The following TNS1 variants were observed in gnomAD, a reference collection of about 807,000 sequenced individuals.
TNS1 encodes tensin-1.
TNS1 carries 62 observed loss-of-function variants against 168.6 expected under a neutral mutation model. That is an observed-to-expected ratio of 0.37 (90% CI 0.30 to 0.45). The LOEUF is 0.45. TNS1 is among the 20% of genes least tolerant of loss of function. TNS1 has a pLI of 1.00. For missense variants in TNS1, 2,240 were observed against 2,339.4 expected (o/e 0.96, Z 0.88); for synonymous variants, 934 against 933.2 (o/e 1.00, Z -0.02).
intron 3 of TNS1, among the ~76,000 whole-genome samples, chr2:217,962,583 A>G (rs1957526533): frequency 6.6e-6 from 1 of 152,370 alleles, no homozygotes; most frequent in African/African-American, 2.4e-5. Flanking sequence ...CAGGGTGTCC[A>G]TACTGACAAA....
chr2:217,809,756 G>T, intron 30 of TNS1, 67 bp downstream of exon 30: 1 of 1,503,512 alleles, frequency 6.7e-7, no homozygotes. Context: ...AAATGTGTGG[G>T]TACACGGATG....
Position 217,880,946 on chromosome 2 carries a change from A to G in TNS1, c.1381T>C (p.Trp461Arg). Reference protein sequence around the residue: ...DYNTSDPLIRWDSYDNFSGHR... With the variant: ...DYNTSDPLIRRDSYDNFSGHR... ...CCACTGAAGTTGTCGTAGGAGTCCCAGCGGATGAGGGGGTCGGAGGTGTTA... is the reference window on the plus strand; with the variant it reads ...CCACTGAAGTTGTCGTAGGAGTCCCGGCGGATGAGGGGGTCGGAGGTGTTA... The change falls in exon 18 of 33, where the codon TGG (tryptophan) becomes CGG (arginine). Residue 461 changes from tryptophan (W) to arginine (R), a missense_variant. By Grantham distance (101) the Trp-to-Arg change is moderately radical. Around this residue, in one of 2 missense-constraint regions of TNS1, gnomAD observed 2,131 missense variants for 2,171.2 expected, o/e 0.98. Transcript: ENST00000682258. The surrounding 1 kb of genome is among the most constrained non-coding windows in gnomAD (Gnocchi z 4.2). The G allele has an allele frequency of 1.2e-6, 2 of 1,614,072 alleles. No individual in the cohort carries two copies. Among genetic ancestry groups the G allele is most frequent in the Non-Finnish European group, 1.7e-6 (2 of 1,180,004 alleles).
intron 6 of TNS1, among the ~76,000 whole-genome samples, chr2:217,902,914 G>A (rs141091433): frequency 2.9e-4 from 44 of 152,244 alleles, no homozygotes; most frequent in Admixed American, 2.1e-3. Context: ...AGACATGCAC[G>A]GTGACACGTC....
intron 12 of TNS1, chr2:217,890,742 G>C: frequency 3.4e-6 from 2 of 595,722 alleles, no homozygotes; most frequent in Non-Finnish European, 6.0e-6. Flanking sequence ...AGGCCTCAGA[G>C]TCAAGTGCTG....
chr2:217,810,281 T>G lies in TNS1; in HGVS notation c.5071A>C (p.Asn1691His). The G allele has an allele frequency of 6.2e-7, 1 of 1,614,164 alleles. No homozygotes were observed. The highest frequency in any genetic ancestry group is 8.5e-7 in the Non-Finnish European group (1 of 1,180,030). ...TGTTTCAGCAGGTCTGCAGTTGAGT[T>G]GGCAGGGCCGGAGCTATCTTTCGAT... ...DESKDSSGPA[N>H]STADLLKQGA... The change falls in exon 29 of 33, where the codon AAC becomes CAC. Residue 1691 changes from asparagine (N) to histidine (H), a missense_variant. Coordinates refer to ENST00000682258, the MANE Select transcript of TNS1 (RefSeq NM_001387777.1).
intron 18 of TNS1, among the ~76,000 whole-genome samples, chr2:217,877,964 G>T (rs559470585): frequency 1.2e-4 from 19 of 152,292 alleles, no homozygotes; most frequent in Non-Finnish European, 2.6e-4. Context: ...TCACCCTCCC[G>T]CAGTGGGCCT....
At chr2:217,999,694 G>A (rs765000877) in intron 1 of TNS1, among the ~76,000 whole-genome samples, 1 of 152,272 alleles carries the variant, frequency 6.6e-6, no homozygotes, top group African/African-American at 2.4e-5. Flanking sequence ...CAAAGAGTCA[G>A]ATTGATGTCT....
chr2:217,931,820 T>A (rs1956338616), intron 3 of TNS1, among the ~76,000 whole-genome samples: 1 of 152,222 alleles, frequency 6.6e-6, no homozygotes, highest in Non-Finnish European at 1.5e-5. Context: ...AAATGTTTTT[T>A]AATAAAAGAC....
At chr2:218,007,401 G>A (rs866089091), upstream of TNS1, among the ~76,000 whole-genome samples, 7 of 152,198 alleles carry the variant, frequency 4.6e-5, no homozygotes, top group Non-Finnish European at 8.8e-5. Context: ...CTAGTATGAT[G>A]TGTGAAAATG....
At chr2:217,945,599 A>C (rs1575127108) in intron 3 of TNS1, among the ~76,000 whole-genome samples, 1 of 152,124 alleles carries the variant, frequency 6.6e-6, no homozygotes. Context: ...AGCATCCAGA[A>C]CCCACCAGCT....
At position 217,880,918 on chromosome 2, in the gene TNS1, T is replaced by C; in HGVS notation, c.1409A>G (p.His470Arg). 6.2e-7 allele frequency: 1 copy of C among 1,614,028 alleles called. No individual in the cohort carries two copies. Among genetic ancestry groups the C allele is most frequent in the Non-Finnish European group, 8.5e-7 (1 of 1,179,946 alleles). ...CCTACCCTCCATGCCGTCATCTCGA[T>C]GCCCACTGAAGTTGTCGTAGGAGTC... is the stretch of plus-strand genomic sequence containing the variant. ...RWDSYDNFSGHRDDGMEEVVG... is the reference protein window; with the variant it reads ...RWDSYDNFSGRRDDGMEEVVG... Residue 470 changes from histidine to arginine, a missense_variant, in exon 18 of 33, where the codon CAT becomes CGT. His to Arg is a conservative substitution (Grantham distance 29). Transcript: ENST00000682258. The surrounding 1 kb of genome is among the most constrained non-coding windows in gnomAD (Gnocchi z 4.2).
At chr2:217,918,441 G>A (rs1242121169) in intron 4 of TNS1, among the ~76,000 whole-genome samples, 4 of 152,200 alleles carry the variant, frequency 2.6e-5, no homozygotes, top group African/African-American at 7.2e-5. Flanking sequence ...CAGCCTCCTC[G>A]AAGGGCAGAG....
intron 3 of TNS1, among the ~76,000 whole-genome samples, chr2:217,955,004 A>C (rs1352579471): frequency 1.3e-5 from 2 of 152,178 alleles, no homozygotes; most frequent in Admixed American, 1.3e-4. Flanking sequence ...AGGCACACTC[A>C]TGAGCTCCAC....
chr2:217,815,171 A>T (rs1177809122), intron 24 of TNS1, 173 bp from the exon 25 acceptor site: 6 of 609,218 alleles, frequency 9.8e-6, no homozygotes, highest in Non-Finnish European at 1.8e-5. Context: ...GCCTTAATCC[A>T]GTATGCCTGT....
chr2:217,809,460 CATGGATGG>C (rs1263650864), intron 30 of TNS1, among the ~76,000 whole-genome samples: 108 of 4,288 alleles, frequency 0.025, no homozygotes, highest in Admixed American at 0.04. Context: ...TGGATGGATG[CATGGATGG>C]ATGGATGGAT....
intron 2 of TNS1, among the ~76,000 whole-genome samples, chr2:217,988,493 G>T (rs1199736058): frequency 6.6e-6 from 1 of 152,208 alleles, no homozygotes; most frequent in Non-Finnish European, 1.5e-5. Context: ...CATATTGGGA[G>T]TCCCTGGAGT....
At chr2:217,899,354 T>G (rs1952679881) in intron 7 of TNS1, among the ~76,000 whole-genome samples, 1 of 152,050 alleles carries the variant, frequency 6.6e-6, no homozygotes, top group African/African-American at 2.4e-5. Flanking sequence ...GGGGGAGAAG[T>G]TTCTATCTCA....
In TNS1 at chr2:217,853,114, C is replaced by T. The variant is rs113114016; in HGVS notation, c.1430-4027G>A. Among the ~76,000 whole-genome samples the T allele has an allele frequency of 5.9e-3, 904 of 152,226 alleles. 10 individuals are homozygous for T. Among genetic ancestry groups the T allele is most frequent in the African/African-American group, 0.02 (846 of 41,534 alleles). The stretch of plus-strand genomic sequence containing the variant: ...CTCTCATCATTCCCTTCTCACCATC[C>T]ACCACGGCCACATTAGAGCTTTTTA... On this transcript the variant is annotated intron_variant, in intron 18 of 32. Coordinates refer to ENST00000682258, the MANE Select transcript of TNS1 (RefSeq NM_001387777.1).
chr2:217,824,514 C>CA, intron 22 of TNS1, among the ~76,000 whole-genome samples: 1 of 152,336 alleles, frequency 6.6e-6, no homozygotes, highest in South Asian at 2.1e-4. Context: ...GCCCAGGTCA[C>CA]AGCTGGCAAG....
Sources: gnomAD v4.1 joint callset for allele counts (sites outside exome capture counted in the v4.1 genomes callset) on GRCh38, gnomAD v4.1.1 for gene constraint, gnomAD v4.1.1 regional missense constraint, Gnocchi (gnomAD v3.1) non-coding constraint, MANE v1.5 for transcripts, NCBI Gene and HGNC (gene_info 2026-07-23, HGNC 2026-07-21) for gene names.